CEACAM16: variants seen among roughly 807,000 people sequenced by gnomAD.
The protein encoded by CEACAM16 is CEA cell adhesion molecule 16, tectorial membrane component, also known as cell adhesion molecule CEACAM16.
In CEACAM16, 30 loss-of-function variants were observed where a neutral mutation model predicts 39.4. The ratio of observed to expected loss-of-function variants is 0.76; its 90% CI spans 0.57 to 1.03. The LOEUF (loss-of-function observed/expected upper bound fraction) is 1.03. CEACAM16 is among the 50% of genes least tolerant of loss of function. The pLI is 0.00. For missense variants in CEACAM16, 521 were observed against 585.3 expected (o/e 0.89, Z 1.13); for synonymous variants, 262 against 264.9 (o/e 0.99, Z 0.11).
intron 1 of CEACAM16, 169 bp downstream of exon 1, chr19:44,699,429 T>C (rs1273936393): frequency 6.4e-6 from 3 of 469,400 alleles, no homozygotes; most frequent in South Asian, 1.6e-5. Flanking sequence ...CCAGAGCCTA[T>C]ACTTTTTTTT....
At chr19:44,708,212 C>T (rs896377955) in intron 6 of CEACAM16, 25 bp downstream of exon 6, 14 of 1,502,994 alleles carry the variant, frequency 9.3e-6, no homozygotes, top group African/African-American at 6.9e-5. Flanking sequence ...AGGGGCAAGG[C>T]GTGCCCCTTT....
At position 44,710,537 on chromosome 19, in the gene CEACAM16, G is replaced by C. The variant is rs1396602514; in HGVS notation, c.*31G>C. ...TGACCCTGGAGACGTCCAGAGAGAA[G>C]AGCTCTTCGCACCATCCTCTGGTCC... On this transcript the variant is annotated 3_prime_UTR_variant, in exon 7 of 7. Coordinates refer to ENST00000587331, the MANE Select transcript of CEACAM16 (RefSeq NM_001039213.4). 6.2e-7 allele frequency: 1 copy of C among 1,613,720 alleles called. No individual in the cohort carries two copies. The highest frequency in any genetic ancestry group is 8.5e-7 in the Non-Finnish European group (1 of 1,179,702).
At chr19:44,708,308 A>G in intron 6 of CEACAM16, 121 bp downstream of exon 6, 1 of 1,050,662 alleles carries the variant, frequency 9.5e-7, no homozygotes, top group East Asian at 2.7e-5. Flanking sequence ...ATCCCCCATC[A>G]GGCTGAAGGA....
At chr19:44,704,441 C>T in intron 4 of CEACAM16, 145 bp downstream of exon 4, 1 of 1,076,858 alleles carries the variant, frequency 9.3e-7, no homozygotes, top group Non-Finnish European at 1.3e-6. Flanking sequence ...TTAAAGTGCA[C>T]TTGCCCTCGC....
intron 6 of CEACAM16, 134 bp from the exon 7 acceptor site, chr19:44,710,362 G>A: frequency 1.1e-6 from 1 of 899,380 alleles, no homozygotes; most frequent in Non-Finnish European, 1.7e-6. Context: ...CCTGGCACAG[G>A]CTGAGCGTGG....
Position 44,701,218 on chromosome 19 carries a change from CAGG to C in CEACAM16, c.-96-139_-96-137del, listed in dbSNP as rs1045794084. On this transcript the variant is annotated intron_variant, in intron 1 of 6. Coordinates refer to ENST00000587331, the MANE Select transcript of CEACAM16 (RefSeq NM_001039213.4). This position sits in a 1 kb window ranked among gnomAD's most constrained non-coding sequence, Gnocchi z 4.0. ...CACAAAGAGGGTTAGGCGGCTGCCC[CAGG>C]AGGCCTGCCCAGGTCACGGCCTCTG... 2 of 608,530 alleles carry C rather than the reference CAGG, an allele frequency of 3.3e-6. No individual in the cohort carries two copies. The highest frequency in any genetic ancestry group is 5.9e-6 in the Non-Finnish European group (2 of 341,148). 37.7% of individuals were successfully genotyped at this position (608,530 alleles called of 1,614,324 possible).
rs933660647 is a variant in CEACAM16 at position 44,707,997 on chromosome 19, C to T, written c.1077C>T (p.Asn359=). The change falls in exon 6 of 7, where the codon AAC becomes AAT. Residue 359 remains asparagine (N), a synonymous_variant. Coordinates refer to ENST00000587331, the MANE Select transcript of CEACAM16 (RefSeq NM_001039213.4). ...AWYRGPASEP[N]RLLSQLPSGT... ...ACCGCGGGCCTGCCTCCGAGCCCAA[C>T]CGGCTGCTCAGCCAGCTGCCGTCAG... 2 of 1,608,946 alleles carry T rather than the reference C, an allele frequency of 1.2e-6. No individual in the cohort carries two copies. The highest frequency in any genetic ancestry group is 1.7e-6 in the Non-Finnish European group (2 of 1,178,222).
intron 5 of CEACAM16, among the ~76,000 whole-genome samples, chr19:44,706,682 G>T (rs1374584342): frequency 1.3e-5 from 2 of 152,184 alleles, no homozygotes; most frequent in African/African-American, 4.8e-5. Context: ...GGCTTTGGCA[G>T]CTGGTCTTGA....
intron 6 of CEACAM16, among the ~76,000 whole-genome samples, chr19:44,709,677 T>G (rs1267811204): frequency 1.6e-5 from 2 of 127,104 alleles, no homozygotes; most frequent in African/African-American, 3.3e-5. Context: ...GCTCCCAGAG[T>G]CAGGGACCAT....
rs937342412 is a variant in CEACAM16 at position 44,701,439 on chromosome 19, C to G, written c.-18C>G. The G allele has an allele frequency of 6.4e-7, 1 of 1,560,106 alleles. No individual in the cohort carries two copies. The highest frequency in any genetic ancestry group is 1.4e-5 in the African/African-American group (1 of 73,452). Reference sequence around the variant, plus strand: ...GACTTCAACGCCACCATCTCCAAGACTCGGTTTGGGGTGAAAGATGGCGCT... The same window carrying G: ...GACTTCAACGCCACCATCTCCAAGAGTCGGTTTGGGGTGAAAGATGGCGCT... On this transcript the variant is annotated 5_prime_UTR_variant, in exon 2 of 7. Transcript: ENST00000587331. The surrounding 1 kb of genome is among the most constrained non-coding windows in gnomAD (Gnocchi z 4.0).
rs1329415133 is a variant in CEACAM16 at position 44,708,134 on chromosome 19, C to A, written c.1214C>A (p.Thr405Asn). The part of the protein sequence containing the change: ...LTDTGRYTLK[T>N]VTVQGKTETL... ...GACACTGGCCGCTACACACTCAAGACTGTCACAGTGCAGGGCAAGACTGAG... is the reference window on the plus strand; with the variant it reads ...GACACTGGCCGCTACACACTCAAGAATGTCACAGTGCAGGGCAAGACTGAG... The change falls in exon 6 of 7, where the codon ACT (threonine) becomes AAT (asparagine). Residue 405 changes from threonine (T) to asparagine (N), a missense_variant. Transcript: ENST00000587331. 1.2e-6 allele frequency: 2 copies of A among 1,607,890 alleles called. No homozygotes were observed. Among genetic ancestry groups the A allele is most frequent in the Non-Finnish European group, 8.5e-7 (1 of 1,177,136 alleles).
chr19:44,703,100 G>A (rs1974375607), intron 2 of CEACAM16, among the ~76,000 whole-genome samples: 1 of 152,214 alleles, frequency 6.6e-6, no homozygotes, highest in African/African-American at 2.4e-5. Context: ...ATCCCCATGT[G>A]AGAGTTGGAA....
rs183860695 is a variant in CEACAM16 at position 44,703,663 on chromosome 19, G to A, written c.352G>A (p.Glu118Lys). 4,308 of 1,576,586 alleles carry A rather than the reference G, an allele frequency of 2.7e-3. 20 individuals are homozygous for A. Among genetic ancestry groups the A allele is most frequent in the Non-Finnish European group, 2.3e-3 (2,689 of 1,158,160 alleles). ...LQTFNRQLQT[E>K]VGYGHVQVHE... The stretch of plus-strand genomic sequence containing the variant: ...GACCTTCAACAGGCAGTTGCAGACC[G>A]AGGTGGGCTACGGACACGTGCAGGT... Residue 118 changes from glutamate (E) to lysine (K), a missense_variant, in exon 3 of 7, where the codon GAG (glutamate) becomes AAG (lysine). By Grantham distance (56) the Glu-to-Lys change is moderately conservative. Transcript: ENST00000587331.
intron 3 of CEACAM16, among the ~76,000 whole-genome samples, 162 bp downstream of exon 3, chr19:44,703,855 T>C (rs1870934463): frequency 6.6e-6 from 1 of 152,170 alleles, no homozygotes; most frequent in South Asian, 2.1e-4. Flanking sequence ...TCCTTCAAGA[T>C]GGCCTCCAGG....
intron 6 of CEACAM16, 61 bp downstream of exon 6, chr19:44,708,248 C>T: frequency 1.4e-6 from 2 of 1,424,976 alleles, no homozygotes; most frequent in Non-Finnish European, 1.9e-6. Flanking sequence ...CAAAAGGAGC[C>T]TTTGCTTCCT....
chr19:44,709,634 G>A lies in CEACAM16; in HGVS notation c.1268-862G>A, dbSNP rs1302271201. ...CTCCATCAGACTGGGAGCTCCCAGA[G>A]TCAGGGTCTATGTCTCCTCCATCAG... On this transcript the variant is annotated intron_variant, in intron 6 of 6. Coordinates refer to ENST00000587331, the MANE Select transcript of CEACAM16 (RefSeq NM_001039213.4). Among the ~76,000 whole-genome samples, 15 of 150,486 alleles carry A rather than the reference G, an allele frequency of 1.0e-4. No homozygotes were observed. In the East Asian group the frequency reaches 3.0e-3, roughly 30 times the overall value.
chr19:44,701,946 A>C lies in CEACAM16; in HGVS notation c.37+453A>C, dbSNP rs1974353848. Among the ~76,000 whole-genome samples, 1 of 152,100 alleles carries C rather than the reference A, an allele frequency of 6.6e-6. No individual in the cohort carries two copies. Among genetic ancestry groups the C allele is most frequent in the Non-Finnish European group, 1.5e-5 (1 of 68,014 alleles). ...TCATGTAAAGGTCATTATAAGCAGC[A>C]CCACATATGCCGTGTGCCCGGAGCT... On this transcript the variant is annotated intron_variant, in intron 2 of 6. Transcript: ENST00000587331. This position sits in a 1 kb window ranked among gnomAD's most constrained non-coding sequence, Gnocchi z 4.0.
chr19:44,702,678 G>T (rs1974366896), intron 2 of CEACAM16, among the ~76,000 whole-genome samples: 1 of 152,284 alleles, frequency 6.6e-6, no homozygotes, highest in African/African-American at 2.4e-5. Context: ...GGCGAGCTTG[G>T]AGAGGCAGAG....
At chr19:44,708,488 G>T (rs1272712167) in intron 6 of CEACAM16, among the ~76,000 whole-genome samples, 1 of 152,190 alleles carries the variant, frequency 6.6e-6, no homozygotes, top group Non-Finnish European at 1.5e-5. Flanking sequence ...GCACACTGAA[G>T]GTTTTAAAAG....
Sources: gnomAD v4.1 joint callset for allele counts (sites outside exome capture counted in the v4.1 genomes callset) on GRCh38, gnomAD v4.1.1 for gene constraint, Gnocchi (gnomAD v3.1) non-coding constraint, MANE v1.5 for transcripts, NCBI Gene and HGNC (gene_info 2026-07-23, HGNC 2026-07-21) for gene names.